The following RNLS variants were observed in gnomAD, a reference collection of about 807,000 sequenced individuals.
RNLS encodes the protein renalase.
In RNLS, 39 loss-of-function variants were observed where a neutral mutation model predicts 39.8. The ratio of observed to expected loss-of-function variants is 0.98; its 90% CI spans 0.76 to 1.28. The LOEUF (loss-of-function observed/expected upper bound fraction) is 1.28. Among genes scored for constraint, RNLS ranks in the 50% most tolerant of loss-of-function variants. The pLI is 0.00. For missense variants in RNLS, 410 were observed against 413.3 expected (o/e 0.99, Z 0.07); for synonymous variants, 147 against 150.7 (o/e 0.98, Z 0.18).
intron 4 of RNLS, among the ~76,000 whole-genome samples, chr10:88,560,741 C>A (rs898503263): frequency 1.3e-5 from 2 of 151,936 alleles, no homozygotes; most frequent in African/African-American, 4.8e-5. Context: ...AAGGAGGGGA[C>A]TGTTAACAGC....
chr10:88,399,385 A>G (rs1033462150), intron 4 of RNLS, among the ~76,000 whole-genome samples: 2 of 152,086 alleles, frequency 1.3e-5, no homozygotes, highest in Non-Finnish European at 2.9e-5. Context: ...GAAGCAACCC[A>G]AATGTGCATT....
chr10:88,180,437 G>A, the RNLS span, among the ~76,000 whole-genome samples: 1 of 152,188 alleles, frequency 6.6e-6, no homozygotes, highest in African/African-American at 2.4e-5. Context: ...CTGAGAACTA[G>A]AATTGGGTTC....
Position 88,284,544 on chromosome 10 carries a change from C to A in RNLS, c.*810G>T. 3 of 985,292 alleles carry A rather than the reference C, an allele frequency of 3.0e-6. No individual in the cohort carries two copies. Among genetic ancestry groups the A allele is most frequent in the Non-Finnish European group, 3.6e-6 (3 of 829,876 alleles). The allele number at this position is 985,292 out of a possible 1,614,324, so 61.0% of individuals were successfully genotyped here. On this transcript the variant is annotated 3_prime_UTR_variant, in exon 7 of 7. Transcript: ENST00000331772. Reference sequence around the variant, plus strand: ...AGTAAATTTTTTGTTGTGTTAAATTCATTAAACTCGACACAGTCTAAATGC... The same window carrying A: ...AGTAAATTTTTTGTTGTGTTAAATTAATTAAACTCGACACAGTCTAAATGC...
At chr10:88,431,830 C>T (rs1855147335) in intron 4 of RNLS, among the ~76,000 whole-genome samples, 1 of 151,628 alleles carries the variant, frequency 6.6e-6, no homozygotes, top group Admixed American at 6.6e-5. Flanking sequence ...AGAGAACATA[C>T]TTTGTATTAC....
At chr10:88,272,385 A>C (rs1447797437), downstream of RNLS, among the ~76,000 whole-genome samples, 1 of 152,158 alleles carries the variant, frequency 6.6e-6, no homozygotes, top group African/African-American at 2.4e-5. Flanking sequence ...ACTATAACAA[A>C]CCACTTATGA....
At chr10:88,280,205 C>A (rs1842961274), downstream of RNLS, among the ~76,000 whole-genome samples, 1 of 152,120 alleles carries the variant, frequency 6.6e-6, no homozygotes, top group South Asian at 2.1e-4. Flanking sequence ...TGAACGTAAG[C>A]CTCACAACAA....
intron 4 of RNLS, among the ~76,000 whole-genome samples, chr10:88,475,278 C>T (rs916755486): frequency 6.6e-6 from 1 of 152,230 alleles, no homozygotes; most frequent in East Asian, 1.9e-4. Flanking sequence ...AGCAACCAAC[C>T]GAGCCGCTTT....
the RNLS span, among the ~76,000 whole-genome samples, chr10:88,183,234 A>G: frequency 6.6e-6 from 1 of 152,132 alleles, no homozygotes; most frequent in Non-Finnish European, 1.5e-5. Context: ...AAGACATATA[A>G]ACAAATGAAT....
chr10:88,387,253 A>G (rs1851917988), intron 4 of RNLS, among the ~76,000 whole-genome samples: 1 of 152,164 alleles, frequency 6.6e-6, no homozygotes, highest in Non-Finnish European at 1.5e-5. Flanking sequence ...GGGAGCAGAG[A>G]GAGACAGAGA....
chr10:88,505,797 C>T (rs537692336), intron 4 of RNLS, among the ~76,000 whole-genome samples: 1 of 152,112 alleles, frequency 6.6e-6, no homozygotes, highest in Non-Finnish European at 1.5e-5. Context: ...AATGATCAAA[C>T]TTGTCACTAA....
chr10:88,400,635 C>T (rs792230), intron 4 of RNLS, among the ~76,000 whole-genome samples: 88,918 of 151,784 alleles, frequency 0.59, 26,103 homozygotes, highest in African/African-American at 0.63. Flanking sequence ...GCAGGGATAA[C>T]ATCATATTAA....
At chr10:88,317,148 A>G (rs1394020362) in intron 5 of RNLS, among the ~76,000 whole-genome samples, 1 of 152,226 alleles carries the variant, frequency 6.6e-6, no homozygotes, top group Admixed American at 6.5e-5. Context: ...GCTCACAGTA[A>G]GTTGACAATT....
At chr10:88,474,335 T>C (rs1338498692) in intron 4 of RNLS, among the ~76,000 whole-genome samples, 1 of 152,188 alleles carries the variant, frequency 6.6e-6, no homozygotes, top group Admixed American at 6.6e-5. Flanking sequence ...GAATGGGGCA[T>C]AATTGGCATT....
chr10:88,243,997 A>T, the RNLS span, among the ~76,000 whole-genome samples: 41 of 152,356 alleles, frequency 2.7e-4, no homozygotes, highest in Middle Eastern at 3.4e-3. Flanking sequence ...CCCAGGACTG[A>T]TAACGCCTTT....
At chr10:88,525,582 T>C (rs1847061911) in intron 4 of RNLS, among the ~76,000 whole-genome samples, 1 of 152,122 alleles carries the variant, frequency 6.6e-6, no homozygotes, top group African/African-American at 2.4e-5. Flanking sequence ...AAACACTTAC[T>C]GGTATTCAAA....
the RNLS span, among the ~76,000 whole-genome samples, chr10:88,234,992 TG>T: frequency 6.6e-6 from 1 of 151,854 alleles, no homozygotes; most frequent in Non-Finnish European, 1.5e-5. Context: ...CCGGGCGCGG[TG>T]GCTCAAGCCT....
At chr10:88,278,727 ATAAAG>A (rs1268555122) in intron 6 of RNLS, among the ~76,000 whole-genome samples, 2 of 152,226 alleles carry the variant, frequency 1.3e-5, no homozygotes, top group Non-Finnish European at 2.9e-5. Flanking sequence ...GGGATGTAGT[ATAAAG>A]TAAAGACTTT....
At chr10:88,461,412 T>A (rs1564818305) in intron 4 of RNLS, among the ~76,000 whole-genome samples, 2 of 152,148 alleles carry the variant, frequency 1.3e-5, no homozygotes. Flanking sequence ...GCTTTCTCCA[T>A]GAAAGTCGGC....
At chr10:88,263,243 CA>C in the RNLS span, among the ~76,000 whole-genome samples, 1 of 152,002 alleles carries the variant, frequency 6.6e-6, no homozygotes, top group African/African-American at 2.4e-5. Flanking sequence ...AGAATTTGAG[CA>C]GGTAGGATGT....
Sources: gnomAD v4.1 joint callset for allele counts (sites outside exome capture counted in the v4.1 genomes callset) on GRCh38, gnomAD v4.1.1 for gene constraint, MANE v1.5 for transcripts, NCBI Gene and HGNC (gene_info 2026-07-23, HGNC 2026-07-21) for gene names.